The following DRC5 variants were observed in gnomAD, a reference collection of about 807,000 sequenced individuals.
DRC5 encodes T-complex-associated testis-expressed protein 1.
chr6:44,288,993 CAAAAA>C, the DRC5 span, among the ~76,000 whole-genome samples: 458 of 32,718 alleles, frequency 0.014, no homozygotes, highest in African/African-American at 0.069. Context: ...GACTCTGTCT[CAAAAA>C]AAAAAAAAAA....
At chr6:44,289,230 T>G in the DRC5 span, among the ~76,000 whole-genome samples, 2 of 151,514 alleles carry the variant, frequency 1.3e-5, no homozygotes, top group Non-Finnish European at 2.9e-5. Context: ...AGAGACGGGG[T>G]TTCACCATGT....
At chr6:44,287,201 G>T in the DRC5 span, 2 of 985,248 alleles carry the variant, frequency 2.0e-6, 1 homozygote, top group African/African-American at 3.5e-5. Context: ...TGGCATGGAA[G>T]ACTCCATCAG....
At chr6:44,292,766 G>A in the DRC5 span, among the ~76,000 whole-genome samples, 242 of 152,286 alleles carry the variant, frequency 1.6e-3, 1 homozygote, top group African/African-American at 5.6e-3. Flanking sequence ...GCTGCTGGAA[G>A]TCATTTCTCT....
At chr6:44,294,133 C>T in the DRC5 span, among the ~76,000 whole-genome samples, 4 of 152,048 alleles carry the variant, frequency 2.6e-5, no homozygotes, top group Non-Finnish European at 5.9e-5. Flanking sequence ...CAGGCATGCA[C>T]CACCACGGCT....
At chr6:44,285,870 A>T in the DRC5 span, 1 of 1,187,348 alleles carries the variant, frequency 8.4e-7, no homozygotes, top group Non-Finnish European at 1.2e-6. Flanking sequence ...AGAAGGAAAT[A>T]GGAAGAAGGC....
the DRC5 span, among the ~76,000 whole-genome samples, chr6:44,281,399 T>C: frequency 6.6e-6 from 1 of 152,246 alleles, no homozygotes; most frequent in Non-Finnish European, 1.5e-5. Context: ...TGCATTTTTT[T>C]TTTGAGACGG....
chr6:44,296,401 G>A, the DRC5 span, among the ~76,000 whole-genome samples: 1 of 152,220 alleles, frequency 6.6e-6, no homozygotes, highest in African/African-American at 2.4e-5. Flanking sequence ...CCTTTGGAGG[G>A]TGCAAGGAGC....
the DRC5 span, among the ~76,000 whole-genome samples, chr6:44,295,018 C>G: frequency 2.6e-5 from 4 of 152,148 alleles, no homozygotes; most frequent in African/African-American, 9.7e-5. Flanking sequence ...CTGGGGGCCC[C>G]GGGCACATGG....
chr6:44,289,042 CTTT>C, the DRC5 span, among the ~76,000 whole-genome samples: 42 of 78,944 alleles, frequency 5.3e-4, no homozygotes, highest in African/African-American at 2.0e-3. Context: ...GTGAAATTAG[CTTT>C]TTTTTTTTTT....
the DRC5 span, chr6:44,282,206 A>C: frequency 1.2e-6 from 2 of 1,614,170 alleles, no homozygotes. Context: ...CAGACAGCTC[A>C]TTGCCACCGA....
chr6:44,280,784 A>T, the DRC5 span, among the ~76,000 whole-genome samples: 23,906 of 152,210 alleles, frequency 0.16, 2,183 homozygotes, highest in East Asian at 0.41. Flanking sequence ...GCCTCTGGGC[A>T]TGTCCCTGTA....
the DRC5 span, chr6:44,282,533 C>G: frequency 6.3e-7 from 1 of 1,595,530 alleles, no homozygotes; most frequent in South Asian, 1.1e-5. Context: ...TGTCATCATC[C>G]ACCTTGCTTC....
At chr6:44,280,426 T>A in the DRC5 span, 12 of 1,521,070 alleles carry the variant, frequency 7.9e-6, no homozygotes, top group East Asian at 1.8e-4. Context: ...GTCATTTACA[T>A]CACTACCCAG....
At chr6:44,292,819 T>TG in the DRC5 span, among the ~76,000 whole-genome samples, 1 of 152,038 alleles carries the variant, frequency 6.6e-6, no homozygotes, top group African/African-American at 2.4e-5. Flanking sequence ...GAATCAAGCC[T>TG]GGGGGAGACC....
chr6:44,287,386 G>T, the DRC5 span: 1 of 559,692 alleles, frequency 1.8e-6, no homozygotes, highest in Non-Finnish European at 2.3e-6. Flanking sequence ...AACTGTCTTG[G>T]CCCTGGGTGG....
chr6:44,282,055 C>T, the DRC5 span: 53 of 1,518,414 alleles, frequency 3.5e-5, no homozygotes, highest in Non-Finnish European at 4.7e-5. Flanking sequence ...CCCACAAGTA[C>T]CCCTGGCAGT....
chr6:44,287,400 G>A, the DRC5 span: 3 of 992,546 alleles, frequency 3.0e-6, no homozygotes, highest in Non-Finnish European at 4.3e-6. Flanking sequence ...TGGGTGGAAG[G>A]GAAGTGTTGA....
At chr6:44,291,409 A>T in the DRC5 span, among the ~76,000 whole-genome samples, 1 of 152,236 alleles carries the variant, frequency 6.6e-6, no homozygotes, top group Non-Finnish European at 1.5e-5. Flanking sequence ...GTATATTTAA[A>T]AGGATAACGA....
At chr6:44,285,984 T>G in the DRC5 span, 1 of 1,613,606 alleles carries the variant, frequency 6.2e-7, no homozygotes. Context: ...TGGCATGCCT[T>G]GATGGCGGCT....
Sources: allele counts gnomAD v4.1 joint callset (sites outside exome capture counted in the v4.1 genomes callset), GRCh38; gene constraint gnomAD v4.1.1; transcripts MANE v1.5; gene names NCBI Gene and HGNC (gene_info 2026-07-23, HGNC 2026-07-21).